PIK3R4: variants seen among roughly 807,000 people sequenced by gnomAD.
The protein encoded by PIK3R4 is phosphoinositide 3-kinase regulatory subunit 4.
In PIK3R4, 46 loss-of-function variants were observed where a neutral mutation model predicts 136.5. That is an observed-to-expected ratio of 0.34 (90% CI 0.27 to 0.43). The LOEUF (loss-of-function observed/expected upper bound fraction) is 0.43, where lower values mean the gene tolerates loss of function less well. Among genes scored for constraint, PIK3R4 ranks in the 20% least tolerant of loss-of-function variants. The probability of loss-of-function intolerance (pLI) is 1.00; values close to 1 mark genes in which losing one functional copy is unlikely to be tolerated. For missense variants in PIK3R4, 1,331 were observed against 1,649.5 expected (o/e 0.81, Z 3.35); for synonymous variants, 557 against 566.7 (o/e 0.98, Z 0.24).
At chr3:130,731,631 G>A (rs2066760771) in intron 4 of PIK3R4, among the ~76,000 whole-genome samples, 1 of 152,128 alleles carries the variant, frequency 6.6e-6, no homozygotes, top group Non-Finnish European at 1.5e-5. Context: ...TCTAAAGTCT[G>A]AGTAGATCTA....
At chr3:130,690,832 G>A (rs997011766) in intron 13 of PIK3R4, among the ~76,000 whole-genome samples, 178 bp from the exon 14 acceptor site, 5 of 150,940 alleles carry the variant, frequency 3.3e-5, no homozygotes, top group African/African-American at 1.2e-4. Context: ...CTTTTCTTCC[G>A]ATATTTTCAA....
intron 13 of PIK3R4, among the ~76,000 whole-genome samples, chr3:130,701,591 A>C (rs2107606239): frequency 6.6e-6 from 1 of 152,112 alleles, no homozygotes; most frequent in South Asian, 2.1e-4. Context: ...AGGGATTTAA[A>C]AGAAAGGAAT....
rs1320498212 is a variant in PIK3R4, at chr3:130,678,986, T to TATA, written c.*326_*328dup. 6.3e-6 allele frequency: 1 copy of TATA among 159,778 alleles called. No individual in the cohort carries two copies. Among genetic ancestry groups the TATA allele is most frequent in the Non-Finnish European group, 1.4e-5 (1 of 72,956 alleles). The allele number at this position is 159,778 out of a possible 1,614,324, so 9.9% of individuals were successfully genotyped here. On this transcript the variant is annotated 3_prime_UTR_variant, in exon 20 of 20. Coordinates refer to ENST00000356763, the MANE Select transcript of PIK3R4 (RefSeq NM_014602.3). ...TTTAATAGCAAAAATGTGTTTATAC[T>TATA]ATAATAGCTTACAACCATCTTTTCA... is the stretch of plus-strand genomic sequence containing the variant.
intron 2 of PIK3R4, among the ~76,000 whole-genome samples, chr3:130,744,112 A>G (rs1251030183): frequency 6.6e-6 from 1 of 152,176 alleles, no homozygotes; most frequent in East Asian, 1.9e-4. Context: ...GCAGCACCCT[A>G]TGCTTATCAC....
At chr3:130,739,117 C>T (rs1444390212) in intron 2 of PIK3R4, among the ~76,000 whole-genome samples, 1 of 152,198 alleles carries the variant, frequency 6.6e-6, no homozygotes, top group South Asian at 2.1e-4. Context: ...CACTCTTTCA[C>T]CCAGGCCGGA....
At chr3:130,740,513 G>A (rs72998252) in intron 2 of PIK3R4, among the ~76,000 whole-genome samples, 3,612 of 152,106 alleles carry the variant, frequency 0.024, 161 homozygotes, top group African/African-American at 0.081. Flanking sequence ...AAGGGGGCGC[G>A]GATCACTTGA....
At chr3:130,684,430 T>C in intron 15 of PIK3R4, 49 bp from the exon 16 acceptor site, 2 of 1,515,342 alleles carry the variant, frequency 1.3e-6, no homozygotes, top group South Asian at 2.3e-5. Context: ...TCAAAGTGCA[T>C]CAAGCTGCAT....
chr3:130,723,830 T>A (rs995095574), intron 6 of PIK3R4: 4 of 342,258 alleles, frequency 1.2e-5, no homozygotes, highest in African/African-American at 8.5e-5. Flanking sequence ...AATATAGGTC[T>A]CCTAAAAAGG....
At chr3:130,686,493 C>T (rs1277536118) in intron 14 of PIK3R4, 71 bp from the exon 15 acceptor site, 13 of 890,006 alleles carry the variant, frequency 1.5e-5, no homozygotes, top group Non-Finnish European at 2.4e-5. Flanking sequence ...TTTAAGATGA[C>T]TTTATATCCT....
chr3:130,703,743 C>T lies in PIK3R4; in HGVS notation c.3078G>A (p.Glu1026=), dbSNP rs762659611. The change falls in exon 13 of 20, where the codon GAG becomes GAA. Residue 1026 remains glutamate (E), a synonymous_variant. Transcript: ENST00000356763. ...GGTACCTGGTAGTGGTGGTCTTCCC[C>T]TCCATCTTTTGACTGTTCCAGATTT... is the stretch of plus-strand genomic sequence containing the variant. ...TVKIWNSQKM[E]GKTTTTRSIL... The T allele has an allele frequency of 1.2e-6, 2 of 1,612,856 alleles. No homozygotes were observed. The highest frequency in any genetic ancestry group is 2.2e-5 in the South Asian group (2 of 90,998).
chr3:130,735,719 A>G (rs1397282027), intron 3 of PIK3R4, 150 bp downstream of exon 3: 2 of 587,886 alleles, frequency 3.4e-6, no homozygotes, highest in Non-Finnish European at 5.6e-6. Context: ...ATTCTTCCCT[A>G]ACAAAGTAAT....
intron 6 of PIK3R4, among the ~76,000 whole-genome samples, chr3:130,725,126 C>T (rs537720530): frequency 1.3e-5 from 2 of 151,714 alleles, no homozygotes; most frequent in East Asian, 3.9e-4. Context: ...ACTTTACAAA[C>T]TGAAATGTAC....
Position 130,686,300 on chromosome 3 carries a change from G to T in PIK3R4, c.3386C>A (p.Ser1129Ter), listed in dbSNP as rs1233273668. Residue 1129 changes from serine to a stop codon, truncating the protein, a stop_gained, in exon 15 of 20, where the codon TCA becomes TAA. Transcript: ENST00000356763. LOFTEE classifies it high-confidence loss of function. Reference protein sequence around the residue: ...GSLVGWDLRSSSNAWTLKHDL... With the variant: ...GSLVGWDLRS ...ATGCTTTAAAGTCCACGCATTGCTTGAAGACCTAAGGTCCCAGCCAACCAG... is the reference window on the plus strand; with the variant it reads ...ATGCTTTAAAGTCCACGCATTGCTTTAAGACCTAAGGTCCCAGCCAACCAG... 2 of 1,613,504 alleles carry T rather than the reference G, an allele frequency of 1.2e-6. No individual in the cohort carries two copies. The highest frequency in any genetic ancestry group is 2.7e-5 in the African/African-American group (2 of 75,012).
chr3:130,743,252 T>C (rs1370786370), intron 2 of PIK3R4, among the ~76,000 whole-genome samples: 1 of 148,898 alleles, frequency 6.7e-6, no homozygotes, highest in Non-Finnish European at 1.5e-5. Flanking sequence ...CTACCAAAAA[T>C]GTTAAAAAAA....
At chr3:130,680,953 T>C in intron 18 of PIK3R4, 24 bp downstream of exon 18, 1 of 1,172,898 alleles carries the variant, frequency 8.5e-7, no homozygotes, top group Non-Finnish European at 1.2e-6. Context: ...GTATCCATTT[T>C]ATTAAAGTAT....
chr3:130,715,009 T>C (rs914990417), intron 9 of PIK3R4, among the ~76,000 whole-genome samples: 6 of 152,144 alleles, frequency 3.9e-5, no homozygotes, highest in African/African-American at 1.4e-4. Flanking sequence ...TCTAGACCCT[T>C]GAGGAATCAC....
chr3:130,744,661 G>T lies in PIK3R4; in HGVS notation c.558C>A (p.Phe186Leu). The change falls in exon 2 of 20, where the codon TTC (phenylalanine) becomes TTA (leucine). Residue 186 changes from phenylalanine (F) to leucine (L), a missense_variant. Around this residue, in one of 2 missense-constraint regions of PIK3R4, gnomAD observed 151 missense variants for 242.5 expected, o/e 0.62. Transcript: ENST00000356763. ...PEDNPADFNY[F>L]FDTSRRRTCY... ...AAGTTCTCCTCCGTGATGTGTCAAAGAAATAATTGAAATCTGCCGGGTTGT... is the reference window on the plus strand; with the variant it reads ...AAGTTCTCCTCCGTGATGTGTCAAATAAATAATTGAAATCTGCCGGGTTGT... The T allele has an allele frequency of 6.2e-7, 1 of 1,614,224 alleles. No individual in the cohort carries two copies. Among genetic ancestry groups the T allele is most frequent in the Non-Finnish European group, 8.5e-7 (1 of 1,180,030 alleles).
In PIK3R4 at chr3:130,703,805, A is replaced by G; in HGVS notation, c.3016T>C (p.Ser1006Pro). 1 of 1,612,442 alleles carries G rather than the reference A, an allele frequency of 6.2e-7. No individual in the cohort carries two copies. The change falls in exon 13 of 20, where the codon TCA (serine) becomes CCA (proline). Residue 1006 changes from serine (S) to proline (P), a missense_variant. By Grantham distance (74) the Ser-to-Pro change is moderately conservative. Transcript: ENST00000356763. Reference sequence around the variant, plus strand: ...TCATTTGAACATGTTGCAAAAAGTGAGTGTTCATCAGAGACTCTAATTCGA... The same window carrying G: ...TCATTTGAACATGTTGCAAAAAGTGGGTGTTCATCAGAGACTCTAATTCGA... ...VNRIRVSDEHSLFATCSNDGT... is the reference protein window; with the variant it reads ...VNRIRVSDEHPLFATCSNDGT...
At position 130,711,242 on chromosome 3, in the gene PIK3R4, C is replaced by A. The variant is rs556312223; in HGVS notation, c.2332-2750G>T. Among the ~76,000 whole-genome samples, 6 of 152,116 alleles carry A rather than the reference C, an allele frequency of 3.9e-5. No homozygotes were observed. In the South Asian group the frequency reaches 1.2e-3, roughly 32 times the overall value. On this transcript the variant is annotated intron_variant, in intron 9 of 19. Transcript: ENST00000356763. ...ACACACACACGCACGCACACACACA[C>A]AGACACACACTTTTCAGGCATGGGA...
Sources: allele counts gnomAD v4.1 joint callset (sites outside exome capture counted in the v4.1 genomes callset), GRCh38; gene constraint gnomAD v4.1.1; regional missense constraint gnomAD v4.1.1; transcripts MANE v1.5; gene names NCBI Gene and HGNC (gene_info 2026-07-23, HGNC 2026-07-21).